The following RBFOX1 variants were observed in gnomAD, a reference collection of about 807,000 sequenced individuals.
RBFOX1 encodes RNA binding fox-1 homolog 1.
RBFOX1 carries 8 observed loss-of-function variants against 57.7 expected under a neutral mutation model. The observed-to-expected ratio is 0.14, with a 90% CI of 0.08 to 0.25. The LOEUF is 0.25. Among genes scored for constraint, RBFOX1 ranks in the 10% least tolerant of loss-of-function variants. RBFOX1 has a pLI of 1.00. For synonymous variants in RBFOX1, 326 were observed against 222.4 expected, an observed-to-expected ratio of 1.47 and a Z score of -4.15; for missense variants, 611 against 548.5, an observed-to-expected ratio of 1.11 and a Z score of -1.14.
At chr16:6,902,368 A>T (rs1327112639) in intron 3 of RBFOX1, among the ~76,000 whole-genome samples, 16 of 152,224 alleles carry the variant, frequency 1.1e-4, no homozygotes, top group Admixed American at 9.8e-4. Context: ...TGGTGAAACA[A>T]GTGAATATCT....
At chr16:6,728,739 C>T (rs955339542) in intron 3 of RBFOX1, among the ~76,000 whole-genome samples, 2 of 152,112 alleles carry the variant, frequency 1.3e-5, no homozygotes, top group Non-Finnish European at 2.9e-5. Context: ...ATAGAAGAAA[C>T]ACGGTGTCTC....
chr16:6,975,151 C>G (rs537333521), intron 3 of RBFOX1, among the ~76,000 whole-genome samples: 13 of 152,294 alleles, frequency 8.5e-5, no homozygotes, highest in East Asian at 7.7e-4. Flanking sequence ...AGATCCTGGA[C>G]TAGCTCTGTG....
intron 4 of RBFOX1, among the ~76,000 whole-genome samples, chr16:7,247,702 C>G (rs141987562): frequency 6.6e-6 from 1 of 152,156 alleles, no homozygotes; most frequent in Non-Finnish European, 1.5e-5. Context: ...AAATGGAATA[C>G]GGGAAACATA....
chr16:7,292,627 C>T (rs565646266), intron 4 of RBFOX1, among the ~76,000 whole-genome samples: 15 of 151,118 alleles, frequency 9.9e-5, no homozygotes, highest in African/African-American at 3.4e-4. Flanking sequence ...TAACAAAGCA[C>T]GAAGTGATGC....
At chr16:6,437,016 T>A (rs1200289002) in intron 2 of RBFOX1, among the ~76,000 whole-genome samples, 1 of 152,162 alleles carries the variant, frequency 6.6e-6, no homozygotes, top group Non-Finnish European at 1.5e-5. Flanking sequence ...GAAGAAACAG[T>A]CCCTCTGAAT....
At chr16:5,289,644 C>T (rs991192493) in intron 1 of RBFOX1, among the ~76,000 whole-genome samples, 18 of 152,188 alleles carry the variant, frequency 1.2e-4, no homozygotes, top group African/African-American at 3.6e-4. Context: ...CATATTTCAT[C>T]ACATTTAGTG....
At chr16:6,941,584 C>T (rs907792532) in intron 3 of RBFOX1, among the ~76,000 whole-genome samples, 1 of 151,804 alleles carries the variant, frequency 6.6e-6, no homozygotes, top group African/African-American at 2.4e-5. Context: ...AACAGGGAAT[C>T]TCCTCTACCT....
chr16:5,873,829 T>A (rs1375804248), intron 4 of RBFOX1, among the ~76,000 whole-genome samples: 1 of 152,186 alleles, frequency 6.6e-6, no homozygotes, highest in Non-Finnish European at 1.5e-5. Flanking sequence ...TAGAGGCTTC[T>A]CAGAGGAGGT....
At chr16:5,550,140 A>T (rs2045401394) in intron 2 of RBFOX1, among the ~76,000 whole-genome samples, 1 of 152,230 alleles carries the variant, frequency 6.6e-6, no homozygotes, top group Non-Finnish European at 1.5e-5. Context: ...TCTTCCAAAC[A>T]AGCATCACTG....
chr16:5,800,308 C>G (rs2055016268), intron 3 of RBFOX1, among the ~76,000 whole-genome samples: 1 of 152,150 alleles, frequency 6.6e-6, no homozygotes, highest in South Asian at 2.1e-4. Context: ...CATTTCGTTA[C>G]TCATGCATAA....
chr16:6,157,043 C>A (rs1464010355), intron 1 of RBFOX1, among the ~76,000 whole-genome samples: 7 of 151,954 alleles, frequency 4.6e-5, no homozygotes, highest in African/African-American at 1.7e-4. Context: ...GCTATGTTGC[C>A]TAGGCTGCTC....
chr16:5,420,177 ATAATG>A, intron 1 of RBFOX1, among the ~76,000 whole-genome samples: 2 of 152,326 alleles, frequency 1.3e-5, no homozygotes, highest in South Asian at 4.1e-4. Flanking sequence ...CATACCCAAA[ATAATG>A]CAATGCTGGT....
rs74581273 is a variant in RBFOX1, at chr16:7,259,455, T to C, written c.27+207357T>C. Among the ~76,000 whole-genome samples the C allele has an allele frequency of 4.0e-3, 608 of 151,812 alleles. 37 individuals carry two copies. In the East Asian group the frequency reaches 0.097, roughly 24 times the overall value. ...CCCCTGTAGAGTTCATGCCATTGCA[T>C]AAAATATTGCAGCCATTTGCATTTA... On this transcript the variant is annotated intron_variant, in intron 4 of 15. Coordinates refer to ENST00000550418, the MANE Select transcript of RBFOX1 (RefSeq NM_018723.4).
chr16:6,866,813 A>C (rs916198757), intron 3 of RBFOX1, among the ~76,000 whole-genome samples: 2 of 152,006 alleles, frequency 1.3e-5, no homozygotes, highest in African/African-American at 4.8e-5. Flanking sequence ...AACTGCTGGG[A>C]TTACAGGCAG....
At chr16:7,154,326 T>A in intron 4 of RBFOX1, among the ~76,000 whole-genome samples, 1 of 152,162 alleles carries the variant, frequency 6.6e-6, no homozygotes, top group East Asian at 1.9e-4. Context: ...GGAAAGGGAA[T>A]CACTCATCCA....
chr16:6,045,439 G>C (rs1033590735), intron 1 of RBFOX1, among the ~76,000 whole-genome samples: 2 of 152,142 alleles, frequency 1.3e-5, no homozygotes, highest in African/African-American at 4.8e-5. Flanking sequence ...GTCTTGAGTA[G>C]CAAAACACAG....
intron 4 of RBFOX1, among the ~76,000 whole-genome samples, chr16:7,183,194 C>A (rs998640887): frequency 2.0e-5 from 3 of 152,160 alleles, no homozygotes; most frequent in African/African-American, 7.2e-5. Context: ...ACAGCCACTT[C>A]TCCTGGCTGC....
chr16:5,811,685 G>A (rs9940985), intron 3 of RBFOX1, among the ~76,000 whole-genome samples: 1 of 152,068 alleles, frequency 6.6e-6, no homozygotes, highest in South Asian at 2.1e-4. Context: ...TCCTGACTTC[G>A]TGGTCTGCCC....
intron 2 of RBFOX1, among the ~76,000 whole-genome samples, chr16:6,614,763 C>T (rs1034179501): frequency 1.3e-5 from 2 of 152,136 alleles, no homozygotes; most frequent in African/African-American, 4.8e-5. Flanking sequence ...CTGTCTCTGA[C>T]TTCACATGGC....
Sources: allele counts gnomAD v4.1 joint callset (sites outside exome capture counted in the v4.1 genomes callset), GRCh38; gene constraint gnomAD v4.1.1; transcripts MANE v1.5; gene names NCBI Gene and HGNC (gene_info 2026-07-23, HGNC 2026-07-21).